The following APCDD1 variants were observed in gnomAD, a reference collection of about 807,000 sequenced individuals.
APCDD1 encodes protein APCDD1.
A neutral mutation model predicts 38.1 loss-of-function variants in APCDD1; 15 were observed. The ratio of observed to expected loss-of-function variants is 0.39; its 90% confidence interval spans 0.26 to 0.61. APCDD1 has a LOEUF of 0.61. Ranked by LOEUF, APCDD1 falls within the 20% of genes least tolerant of loss-of-function variation. APCDD1 has a pLI of 0.49. For synonymous variants in APCDD1, 261 were observed against 279.7 expected, an observed-to-expected ratio of 0.93 and a Z score of 0.67; for missense variants, 647 against 696.2, an observed-to-expected ratio of 0.93 and a Z score of 0.79.
At chr18:10,479,545 T>G (rs947316604) in intron 3 of APCDD1, among the ~76,000 whole-genome samples, 8 of 152,198 alleles carry the variant, frequency 5.3e-5, no homozygotes, top group Non-Finnish European at 7.3e-5. Context: ...AGAAGACCTT[T>G]TCCTGGGCTG....
rs1193481992 is a variant in APCDD1 at position 10,471,751 on chromosome 18, A to G, written c.464A>G (p.His155Arg). 1 of 1,613,806 alleles carries G rather than the reference A, an allele frequency of 6.2e-7. No homozygotes were observed. Among genetic ancestry groups the G allele is most frequent in the Non-Finnish European group, 8.5e-7 (1 of 1,179,774 alleles). The change falls in exon 3 of 5, where the codon CAC (histidine) becomes CGC (arginine). Residue 155 changes from histidine to arginine, a missense_variant. Coordinates refer to ENST00000355285, the MANE Select transcript of APCDD1 (RefSeq NM_153000.5). The surrounding 1 kb of genome is among the most constrained non-coding windows in gnomAD (Gnocchi z 5.5). ...CTGCACAACGTCCAGGTGATCTGCCACACAGAGGCGGTGGCCGAGAAGCTC... is the reference window on the plus strand; with the variant it reads ...CTGCACAACGTCCAGGTGATCTGCCGCACAGAGGCGGTGGCCGAGAAGCTC... Reference protein sequence around the residue: ...YQLHNVQVICHTEAVAEKLGQ... With the variant: ...YQLHNVQVICRTEAVAEKLGQ...
chr18:10,484,398 CT>C (rs1384560039), intron 3 of APCDD1, among the ~76,000 whole-genome samples: 3 of 152,196 alleles, frequency 2.0e-5, no homozygotes, highest in African/African-American at 4.8e-5. Flanking sequence ...TGTCTCCTAA[CT>C]TTTTTTATTA....
chr18:10,485,685 T>C lies in APCDD1; in HGVS notation c.998T>C (p.Val333Ala), dbSNP rs773003449. The change falls in exon 4 of 5, where the codon GTG becomes GCG. Residue 333 changes from valine to alanine, a missense_variant. Coordinates refer to ENST00000355285, the MANE Select transcript of APCDD1 (RefSeq NM_153000.5). The surrounding 1 kb of genome is among the most constrained non-coding windows in gnomAD (Gnocchi z 5.8). Reference sequence around the variant, plus strand: ...CACTACTACCACTACTCAGACCCGGTGTGCAAGCACCCCACCTTCTCCATC... The same window carrying C: ...CACTACTACCACTACTCAGACCCGGCGTGCAAGCACCCCACCTTCTCCATC... ...EGHYYHYSDP[V>A]CKHPTFSIYA... 10 of 1,614,036 alleles carry C rather than the reference T, an allele frequency of 6.2e-6. No homozygotes were observed. In the African/African-American group the frequency reaches 1.3e-4, roughly 22 times the overall value.
At chr18:10,481,948 C>CG (rs2031150238) in intron 3 of APCDD1, among the ~76,000 whole-genome samples, 1 of 152,158 alleles carries the variant, frequency 6.6e-6, no homozygotes, top group African/African-American at 2.4e-5. Context: ...GTCCTCGTCT[C>CG]GGAGCTCAGG....
At position 10,454,676 on chromosome 18, in the gene APCDD1, G is replaced by A. The variant is rs1313847403; in HGVS notation, c.-306G>A. ...TGCGGTGGCGGTGGCGGCCACTGCA[G>A]CTCAGAGCGGCGCACGCGGCGGCCG... is the stretch of plus-strand genomic sequence containing the variant. On this transcript the variant is annotated 5_prime_UTR_variant, in exon 1 of 5. Coordinates refer to ENST00000355285, the MANE Select transcript of APCDD1 (RefSeq NM_153000.5). The A allele has an allele frequency of 4.0e-6, 4 of 992,414 alleles. No homozygotes were observed. The highest frequency in any genetic ancestry group is 4.8e-6 in the Non-Finnish European group (4 of 835,322). 61.5% of individuals were successfully genotyped at this position (992,414 alleles called of 1,614,324 possible).
Position 10,476,223 on chromosome 18 carries a change from C to G in APCDD1, c.774+4162C>G, listed in dbSNP as rs978266709. 2.6e-5 allele frequency: 4 copies of G among 152,212 alleles called. No individual in the cohort carries two copies. The highest frequency in any genetic ancestry group is 5.9e-5 in the Non-Finnish European group (4 of 68,046). The allele number at this position is 152,212 out of a possible 1,614,324, so 9.4% of individuals were successfully genotyped here. ...AAATGCTAAATTGAGTTTCAAACCACGAGCCTCAGCCCCTCTAGAAACAGG... is the reference window on the plus strand; with the variant it reads ...AAATGCTAAATTGAGTTTCAAACCAGGAGCCTCAGCCCCTCTAGAAACAGG... On this transcript the variant is annotated intron_variant, in intron 3 of 4. Coordinates refer to ENST00000355285, the MANE Select transcript of APCDD1 (RefSeq NM_153000.5). The surrounding 1 kb of genome is among the most constrained non-coding windows in gnomAD (Gnocchi z 5.8).
intron 1 of APCDD1, among the ~76,000 whole-genome samples, chr18:10,456,651 C>T (rs556385323): frequency 1.4e-3 from 214 of 152,282 alleles, no homozygotes; most frequent in African/African-American, 4.9e-3. Flanking sequence ...AACATGTTCT[C>T]CCTATTTTGA....
In APCDD1 at chr18:10,485,400, A is replaced by G. The variant is rs920498860; in HGVS notation, c.775-62A>G. 6.8e-5 allele frequency: 108 copies of G among 1,586,122 alleles called. No individual in the cohort carries two copies. Among genetic ancestry groups the G allele is most frequent in the Non-Finnish European group, 9.1e-5 (106 of 1,161,010 alleles). On this transcript the variant is annotated intron_variant, in intron 3 of 4. Transcript: ENST00000355285. The surrounding 1 kb of genome is among the most constrained non-coding windows in gnomAD (Gnocchi z 5.8). ...TGGTGAGACCCCATTTGCCGGAAGCATGTGTGCACTGCTCCCTTGGGAAGA... is the reference window on the plus strand; with the variant it reads ...TGGTGAGACCCCATTTGCCGGAAGCGTGTGTGCACTGCTCCCTTGGGAAGA...
chr18:10,461,225 T>C (rs1434712995), intron 1 of APCDD1, among the ~76,000 whole-genome samples: 3 of 152,212 alleles, frequency 2.0e-5, no homozygotes, highest in Non-Finnish European at 4.4e-5. Context: ...GGATCTCATT[T>C]AGTGCTCTGG....
Position 10,471,502 on chromosome 18 carries a change from G to A in APCDD1, c.243-28G>A, listed in dbSNP as rs2030849315. On this transcript the variant is annotated intron_variant, in intron 2 of 4. Transcript: ENST00000355285. The surrounding 1 kb of genome is among the most constrained non-coding windows in gnomAD (Gnocchi z 5.5). ...TTTCCCATACCTTCAGGCTTACAAAGGTCTCTTCTTCCCCTTTTCTTGCCC... is the reference window on the plus strand; with the variant it reads ...TTTCCCATACCTTCAGGCTTACAAAAGTCTCTTCTTCCCCTTTTCTTGCCC... The A allele has an allele frequency of 6.2e-7, 1 of 1,613,874 alleles. No homozygotes were observed. Among genetic ancestry groups the A allele is most frequent in the Non-Finnish European group, 8.5e-7 (1 of 1,179,960 alleles).
chr18:10,459,599 C>CA (rs1030904112), intron 1 of APCDD1, among the ~76,000 whole-genome samples: 82 of 151,304 alleles, frequency 5.4e-4, no homozygotes, highest in South Asian at 8.3e-4. Context: ...AAGCTTACTG[C>CA]AAAAAAAATG....
Position 10,485,735 on chromosome 18 carries a change from G to T in APCDD1, c.1048G>T (p.Gly350Cys). Residue 350 changes from glycine (G) to cysteine (C), a missense_variant, in exon 4 of 5, where the codon GGC (glycine) becomes TGC (cysteine). Coordinates refer to ENST00000355285, the MANE Select transcript of APCDD1 (RefSeq NM_153000.5). The surrounding 1 kb of genome is among the most constrained non-coding windows in gnomAD (Gnocchi z 5.8). ...CTACGCCCGGGGCCGCTACAGCCGC[G>T]GCGTCCTCTCGTCCAGGGTCATGGG... ...SIYARGRYSR[G>C]VLSSRVMGGT... The T allele has an allele frequency of 6.2e-7, 1 of 1,613,984 alleles. No homozygotes were observed. The highest frequency in any genetic ancestry group is 1.1e-5 in the South Asian group (1 of 91,084).
Position 10,485,392 on chromosome 18 carries a change from C to T in APCDD1, c.775-70C>T. On this transcript the variant is annotated intron_variant, in intron 3 of 4. Coordinates refer to ENST00000355285, the MANE Select transcript of APCDD1 (RefSeq NM_153000.5). The surrounding 1 kb of genome is among the most constrained non-coding windows in gnomAD (Gnocchi z 5.8). The stretch of plus-strand genomic sequence containing the variant: ...CTGGTGCCTGGTGAGACCCCATTTG[C>T]CGGAAGCATGTGTGCACTGCTCCCT... The T allele has an allele frequency of 6.4e-7, 1 of 1,562,102 alleles. No individual in the cohort carries two copies. Among genetic ancestry groups the T allele is most frequent in the African/African-American group, 1.3e-5 (1 of 74,218 alleles).
At chr18:10,466,258 T>A (rs1294627735) in intron 1 of APCDD1, among the ~76,000 whole-genome samples, 1 of 152,208 alleles carries the variant, frequency 6.6e-6, no homozygotes, top group East Asian at 1.9e-4. Context: ...TAACTACAAC[T>A]GTTGAGGCTG....
intron 1 of APCDD1, among the ~76,000 whole-genome samples, chr18:10,462,002 C>T (rs747573193): frequency 2.6e-5 from 4 of 152,190 alleles, no homozygotes; most frequent in Non-Finnish European, 5.9e-5. Context: ...CAGCCCCATT[C>T]TACAGGCACG....
At chr18:10,465,777 T>G (rs1381072499) in intron 1 of APCDD1, among the ~76,000 whole-genome samples, 1 of 152,222 alleles carries the variant, frequency 6.6e-6, no homozygotes, top group South Asian at 2.1e-4. Flanking sequence ...TCGTGACTGT[T>G]GTTAAGGCAT....
Position 10,488,094 on chromosome 18 carries a change from G to T in APCDD1, c.*56G>T, listed in dbSNP as rs1045584. On this transcript the variant is annotated 3_prime_UTR_variant, in exon 5 of 5. Coordinates refer to ENST00000355285, the MANE Select transcript of APCDD1 (RefSeq NM_153000.5). ...AGGATTCCTTACTATTGACAGATTT[G>T]CTTTACCAAAAGAAAAGACATTTAT... 690,472 of 1,595,736 alleles carry T rather than the reference G, an allele frequency of 0.43. 151,477 individuals are homozygous for T. The highest frequency in any genetic ancestry group is 0.62 in the East Asian group (27,840 of 44,738).
At chr18:10,483,357 CG>C (rs2031181648) in intron 3 of APCDD1, among the ~76,000 whole-genome samples, 5 of 152,230 alleles carry the variant, frequency 3.3e-5, no homozygotes, top group Admixed American at 3.3e-4. Context: ...AAAAAATGCA[CG>C]TAGAGCTTGG....
Position 10,487,743 on chromosome 18 carries a change from T to C in APCDD1, c.1250T>C (p.Leu417Pro), listed in dbSNP as rs2031280149. 6.2e-7 allele frequency: 1 copy of C among 1,613,990 alleles called. No homozygotes were observed. Among genetic ancestry groups the C allele is most frequent in the African/African-American group, 1.3e-5 (1 of 74,926 alleles). ...TNGCVALGIK[L>P]PHTEYEIFKM... ...GGCTGCGTGGCCCTGGGCATCAAAC[T>C]ACCTCACACGGAGTACGAGATCTTC... is the stretch of plus-strand genomic sequence containing the variant. The change falls in exon 5 of 5, where the codon CTA becomes CCA. Residue 417 changes from leucine (L) to proline (P), a missense_variant. By Grantham distance (98) the Leu-to-Pro change is moderately conservative (BLOSUM62 -3). Coordinates refer to ENST00000355285, the MANE Select transcript of APCDD1 (RefSeq NM_153000.5).
Sources: gnomAD v4.1 joint callset for allele counts (sites outside exome capture counted in the v4.1 genomes callset) on GRCh38, gnomAD v4.1.1 for gene constraint, Gnocchi (gnomAD v3.1) non-coding constraint, MANE v1.5 for transcripts, NCBI Gene and HGNC (gene_info 2026-07-23, HGNC 2026-07-21) for gene names.